NRXN1: variants seen among roughly 807,000 people sequenced by gnomAD.
NRXN1 encodes neurexin-1.
NRXN1 carries 39 observed loss-of-function variants against 150.9 expected under a neutral mutation model. That is an observed-to-expected ratio of 0.26 (90% confidence interval 0.20 to 0.34). NRXN1 has a LOEUF of 0.34. Among genes scored for constraint, NRXN1 ranks in the 10% least tolerant of loss-of-function variants. The pLI is 1.00. For synonymous variants in NRXN1, 924 were observed against 757.0 expected, an observed-to-expected ratio of 1.22 and a Z score of -3.62; for missense variants, 1,815 against 1,949.9, an observed-to-expected ratio of 0.93 and a Z score of 1.30.
intron 8 of NRXN1, among the ~76,000 whole-genome samples, chr2:50,616,973 T>C (rs568698618): frequency 6.6e-6 from 1 of 152,300 alleles, no homozygotes; most frequent in East Asian, 1.9e-4. Flanking sequence ...TGAACATGGG[T>C]ATATCCCTCT....
chr2:50,431,014 C>T (rs1250529436), intron 17 of NRXN1, among the ~76,000 whole-genome samples: 2 of 152,130 alleles, frequency 1.3e-5, no homozygotes, highest in Non-Finnish European at 2.9e-5. Context: ...CATGCCTCAA[C>T]CTCTCTCTAC....
At chr2:50,100,956 C>A (rs970407100) in intron 18 of NRXN1, among the ~76,000 whole-genome samples, 1 of 151,990 alleles carries the variant, frequency 6.6e-6, no homozygotes, top group Non-Finnish European at 1.5e-5. Context: ...GTAATACTTT[C>A]CATTTGGATA....
intron 9 of NRXN1, among the ~76,000 whole-genome samples, chr2:50,542,291 AAGAG>A (rs3052540): frequency 4.0e-5 from 6 of 151,396 alleles, no homozygotes; most frequent in East Asian, 3.9e-4. Flanking sequence ...GAAAGAAAGA[AAGAG>A]AGAGAGAGAG....
intron 17 of NRXN1, among the ~76,000 whole-genome samples, chr2:50,254,740 C>T (rs1302839002): frequency 6.6e-6 from 1 of 152,106 alleles, no homozygotes; most frequent in Non-Finnish European, 1.5e-5. Context: ...AAGCCTACTC[C>T]AACAGCCTAT....
chr2:50,918,859 A>T (rs1398550154), intron 5 of NRXN1: 1 of 218,152 alleles, frequency 4.6e-6, no homozygotes, highest in Non-Finnish European at 8.9e-6. Flanking sequence ...ATGTGATCCA[A>T]ATTTCATGAA....
At chr2:50,522,720 A>ATTTTTTT (rs869200431) in intron 12 of NRXN1, among the ~76,000 whole-genome samples, 7 of 47,762 alleles carry the variant, frequency 1.5e-4, no homozygotes, top group Admixed American at 1.0e-3. Flanking sequence ...ATTTTTATTC[A>ATTTTTTT]TTTTTTTTTT....
At chr2:50,000,079 C>T (rs763561620) in intron 21 of NRXN1, among the ~76,000 whole-genome samples, 63 of 152,284 alleles carry the variant, frequency 4.1e-4, no homozygotes, top group Non-Finnish European at 6.6e-4. Context: ...AGCTTTCCTG[C>T]ACCTGGGCTG....
At position 49,970,927 on chromosome 2, in the gene NRXN1, T is replaced by A. The variant is rs563844480; in HGVS notation, c.4129-27136A>T. On this transcript the variant is annotated intron_variant, in intron 21 of 22. Coordinates refer to ENST00000401669, the MANE Select transcript of NRXN1 (RefSeq NM_001330078.2). Reference sequence around the variant, plus strand: ...GGAGGTAAAAGAGAAGACTAAATAATAAAAGGCACCACTTGATCTAAGTAT... The same window carrying A: ...GGAGGTAAAAGAGAAGACTAAATAAAAAAAGGCACCACTTGATCTAAGTAT... Among the ~76,000 whole-genome samples, 10 of 152,104 alleles carry A rather than the reference T, an allele frequency of 6.6e-5. 1 individual carries two copies. In the South Asian group the frequency reaches 2.1e-3, roughly 32 times the overall value.
intron 5 of NRXN1, among the ~76,000 whole-genome samples, chr2:50,796,404 A>C (rs192971757): frequency 1.3e-5 from 2 of 152,256 alleles, no homozygotes; most frequent in African/African-American, 4.8e-5. Flanking sequence ...TATGTGTTGC[A>C]AAAAGTGGGA....
intron 21 of NRXN1, among the ~76,000 whole-genome samples, chr2:49,959,431 A>G (rs1675527892): frequency 6.6e-6 from 1 of 152,192 alleles, no homozygotes; most frequent in South Asian, 2.1e-4. Flanking sequence ...CCCTGAAGAG[A>G]CAGAGAAATG....
At chr2:50,458,412 T>A (rs1213683685) in intron 17 of NRXN1, among the ~76,000 whole-genome samples, 1 of 152,122 alleles carries the variant, frequency 6.6e-6, no homozygotes, top group Admixed American at 6.6e-5. Context: ...TTTTATTGCA[T>A]ATTTCAAAAT....
chr2:50,052,579 T>C lies in NRXN1; in HGVS notation c.4128+692A>G, dbSNP rs548246597. On this transcript the variant is annotated intron_variant, in intron 21 of 22. Coordinates refer to ENST00000401669, the MANE Select transcript of NRXN1 (RefSeq NM_001330078.2). ...TGATTGAATTAACATACTTCCAAGT[T>C]GTGCAAATGCCACATTTAAAAATCA... 9.2e-5 allele frequency among the ~76,000 whole-genome samples: 14 copies of C among 152,278 alleles called. No individual in the cohort carries two copies. In the South Asian group the frequency reaches 2.9e-3, roughly 32 times the overall value.
chr2:50,826,868 G>T (rs1670518329), intron 5 of NRXN1, among the ~76,000 whole-genome samples: 1 of 152,014 alleles, frequency 6.6e-6, no homozygotes, highest in African/African-American at 2.4e-5. Context: ...TATACATTTG[G>T]GATTCATCAG....
At chr2:50,969,280 T>A (rs1312110427) in intron 2 of NRXN1, among the ~76,000 whole-genome samples, 1 of 152,144 alleles carries the variant, frequency 6.6e-6, no homozygotes, top group Non-Finnish European at 1.5e-5. Context: ...TTATAAGAAA[T>A]CTTACTTTTC....
chr2:50,760,109 T>C (rs935485360), intron 5 of NRXN1, among the ~76,000 whole-genome samples: 2 of 151,874 alleles, frequency 1.3e-5, no homozygotes, highest in African/African-American at 2.4e-5. Flanking sequence ...CACAGCCTGA[T>C]CCTGTACTAC....
intron 17 of NRXN1, among the ~76,000 whole-genome samples, chr2:50,400,362 T>C (rs1372667674): frequency 6.6e-6 from 1 of 152,118 alleles, no homozygotes; most frequent in Non-Finnish European, 1.5e-5. Context: ...TTTTAAATAT[T>C]CAAATTGTTT....
At chr2:50,236,340 T>TGTAGC (rs1347016920) in intron 18 of NRXN1, among the ~76,000 whole-genome samples, 1 of 152,098 alleles carries the variant, frequency 6.6e-6, no homozygotes, top group Non-Finnish European at 1.5e-5. Context: ...CTTTCGTTCC[T>TGTAGC]TTTATTTCAT....
At chr2:50,994,892 A>G (rs1699038680) in intron 2 of NRXN1, among the ~76,000 whole-genome samples, 1 of 152,036 alleles carries the variant, frequency 6.6e-6, no homozygotes, top group Non-Finnish European at 1.5e-5. Context: ...TGATGCAATT[A>G]CACTGTTTTT....
intron 18 of NRXN1, among the ~76,000 whole-genome samples, chr2:50,094,207 A>G (rs1699930458): frequency 6.6e-6 from 1 of 152,248 alleles, no homozygotes; most frequent in Non-Finnish European, 1.5e-5. Flanking sequence ...AAAACACATT[A>G]CTGTTTCCAT....
Sources: gnomAD v4.1 joint callset for allele counts (sites outside exome capture counted in the v4.1 genomes callset) on GRCh38, gnomAD v4.1.1 for gene constraint, MANE v1.5 for transcripts, NCBI Gene and HGNC (gene_info 2026-07-23, HGNC 2026-07-21) for gene names.